Variants in AUTS2 observed in about 807,000 individuals in gnomAD.
AUTS2 encodes autism susceptibility gene 2 protein.
A neutral mutation model predicts 112.4 loss-of-function variants in AUTS2; 17 were observed. The observed-to-expected ratio is 0.15, with a 90% CI of 0.10 to 0.23. The LOEUF is 0.23. Among genes scored for constraint, AUTS2 ranks in the 10% least tolerant of loss-of-function variants. The pLI, the probability that AUTS2 is intolerant of heterozygous loss-of-function variation, is 1.00. For missense variants in AUTS2, 1,510 were observed against 1,701.6 expected (o/e 0.89, Z 1.98); for synonymous variants, 751 against 702.7 (o/e 1.07, Z -1.09).
At position 69,616,264 on chromosome 7, in the gene AUTS2, A is replaced by G. The variant is rs559686304; in HGVS notation, c.309+16302A>G. Among the ~76,000 whole-genome samples the G allele has an allele frequency of 3.8e-4, 58 of 152,350 alleles. 1 individual carries two copies. The highest frequency in any genetic ancestry group is 3.7e-3 in the Admixed American group (57 of 15,308). ...TTATTTGGGGGTCATTTAGATATAA[A>G]AAGAGACTAAGTGGTGGAGTCAAGA... On this transcript the variant is annotated intron_variant, in intron 1 of 18. Coordinates refer to ENST00000342771, the MANE Select transcript of AUTS2 (RefSeq NM_015570.4).
intron 1 of AUTS2, among the ~76,000 whole-genome samples, chr7:69,735,350 A>G (rs552570503): frequency 1.3e-5 from 2 of 152,282 alleles, no homozygotes; most frequent in South Asian, 2.1e-4. Context: ...GAGTTATCCT[A>G]TGAAGGAGGA....
At chr7:69,689,579 A>C (rs1797225612) in intron 1 of AUTS2, among the ~76,000 whole-genome samples, 2 of 149,284 alleles carry the variant, frequency 1.3e-5, no homozygotes, top group South Asian at 4.2e-4. Context: ...TGACCTCGTG[A>C]TCTGCCTGCC....
chr7:70,775,285 C>G, intron 12 of AUTS2, 72 bp from the exon 13 acceptor site: 1 of 1,307,172 alleles, frequency 7.7e-7, no homozygotes, highest in Non-Finnish European at 1.1e-6. Context: ...TAATGAAGCA[C>G]TACAAATTTG....
chr7:70,191,612 G>A (rs1455452824), intron 4 of AUTS2, among the ~76,000 whole-genome samples: 2 of 152,158 alleles, frequency 1.3e-5, no homozygotes, highest in Non-Finnish European at 2.9e-5. Flanking sequence ...GCTTTATCAG[G>A]TTTGAAATTC....
chr7:70,651,555 T>C (rs1275069229), intron 5 of AUTS2, among the ~76,000 whole-genome samples: 3 of 152,196 alleles, frequency 2.0e-5, no homozygotes, highest in Admixed American at 6.5e-5. Flanking sequence ...CAGAATCAAC[T>C]AACATAAGCC....
rs1303682778 is a variant in AUTS2 at position 69,929,898 on chromosome 7, A to G, written c.522+30400A>G. On this transcript the variant is annotated intron_variant, in intron 2 of 18. Coordinates refer to ENST00000342771, the MANE Select transcript of AUTS2 (RefSeq NM_015570.4). ...AACTGGTGATCTTTGGATGCCAGACATTGTGAATTTTACCTTGTTGGATGC... is the reference window on the plus strand; with the variant it reads ...AACTGGTGATCTTTGGATGCCAGACGTTGTGAATTTTACCTTGTTGGATGC... 2.0e-5 allele frequency among the ~76,000 whole-genome samples: 3 copies of G among 152,240 alleles called. No homozygotes were observed. In the East Asian group the frequency reaches 5.8e-4, roughly 29 times the overall value.
At chr7:69,732,969 G>C (rs1056153568) in intron 1 of AUTS2, among the ~76,000 whole-genome samples, 1 of 152,166 alleles carries the variant, frequency 6.6e-6, no homozygotes, top group Non-Finnish European at 1.5e-5. Context: ...AACATAGATT[G>C]GTGTTTAATT....
intron 4 of AUTS2, among the ~76,000 whole-genome samples, chr7:70,262,838 T>G (rs1012828193): frequency 1.3e-5 from 2 of 152,282 alleles, no homozygotes; most frequent in African/African-American, 4.8e-5. Flanking sequence ...GCCCTTATAT[T>G]TATAATGAGG....
At chr7:70,043,832 C>T (rs1801378790) in intron 2 of AUTS2, among the ~76,000 whole-genome samples, 1 of 151,988 alleles carries the variant, frequency 6.6e-6, no homozygotes, top group African/African-American at 2.4e-5. Flanking sequence ...TGCTCTCGGA[C>T]TCCCGATCTC....
At chr7:70,482,101 C>T (rs559466073) in intron 5 of AUTS2, among the ~76,000 whole-genome samples, 1 of 152,062 alleles carries the variant, frequency 6.6e-6, no homozygotes, top group South Asian at 2.1e-4. Flanking sequence ...GGATGGGGTG[C>T]GTTTTGATTT....
intron 1 of AUTS2, among the ~76,000 whole-genome samples, chr7:69,648,404 T>G (rs1795135093): frequency 1.3e-5 from 2 of 151,644 alleles, no homozygotes; most frequent in African/African-American, 4.8e-5. Flanking sequence ...CTCTGAGGGG[T>G]TAGGTCAGGG....
intron 1 of AUTS2, among the ~76,000 whole-genome samples, chr7:69,810,184 C>T (rs2129524775): frequency 6.6e-6 from 1 of 152,276 alleles, no homozygotes; most frequent in South Asian, 2.1e-4. Context: ...CTTTATGTGC[C>T]ACATAACAGC....
chr7:70,550,357 C>G (rs557121129), intron 5 of AUTS2, among the ~76,000 whole-genome samples: 1 of 152,262 alleles, frequency 6.6e-6, no homozygotes, highest in East Asian at 1.9e-4. Context: ...CCTTCGGCAC[C>G]TCTTTGGATT....
chr7:70,124,123 G>T (rs549538404), intron 3 of AUTS2, among the ~76,000 whole-genome samples: 1 of 152,088 alleles, frequency 6.6e-6, no homozygotes, highest in East Asian at 1.9e-4. Context: ...AGCTTTTTTT[G>T]TATAGGCTTG....
chr7:70,394,436 G>A (rs1160323080), intron 4 of AUTS2, among the ~76,000 whole-genome samples: 3 of 152,192 alleles, frequency 2.0e-5, no homozygotes, highest in Non-Finnish European at 4.4e-5. Context: ...GATTGCCTGG[G>A]CCTGATACGG....
chr7:70,043,759 G>A (rs545715965), intron 2 of AUTS2, among the ~76,000 whole-genome samples: 3 of 151,988 alleles, frequency 2.0e-5, no homozygotes, highest in Admixed American at 6.6e-5. Context: ...ACAGACATGC[G>A]CCACCACGTG....
intron 4 of AUTS2, among the ~76,000 whole-genome samples, chr7:70,206,200 A>G (rs1219059614): frequency 6.6e-6 from 1 of 152,064 alleles, no homozygotes; most frequent in Non-Finnish European, 1.5e-5. Flanking sequence ...TTTTTCATCA[A>G]CACTTTCTAA....
intron 6 of AUTS2, among the ~76,000 whole-genome samples, chr7:70,707,652 C>T (rs905740448): frequency 1.3e-5 from 2 of 152,202 alleles, no homozygotes; most frequent in Middle Eastern, 3.4e-3. Flanking sequence ...CATAAGGTCC[C>T]GGAGGTTCTC....
intron 2 of AUTS2, among the ~76,000 whole-genome samples, chr7:70,044,450 G>A (rs1801410429): frequency 1.3e-5 from 2 of 152,082 alleles, no homozygotes; most frequent in Non-Finnish European, 2.9e-5. Context: ...GGGATGGCCT[G>A]GGGATGGGTA....
Sources: gnomAD v4.1 joint callset for allele counts (sites outside exome capture counted in the v4.1 genomes callset) on GRCh38, gnomAD v4.1.1 for gene constraint, MANE v1.5 for transcripts, NCBI Gene and HGNC (gene_info 2026-07-23, HGNC 2026-07-21) for gene names.